ATP8A2: variants seen among roughly 807,000 people sequenced by gnomAD.
The protein encoded by ATP8A2 is ATPase phospholipid transporting 8A2, also known as phospholipid-transporting ATPase IB.
In ATP8A2, 100 loss-of-function variants were observed where a neutral mutation model predicts 165.6. That is an observed-to-expected ratio of 0.60 (90% CI 0.51 to 0.71). The LOEUF is 0.71. Among genes scored for constraint, ATP8A2 ranks in the 30% least tolerant of loss-of-function variants. The pLI is 0.00. For synonymous variants in ATP8A2, 543 were observed against 548.8 expected, an observed-to-expected ratio of 0.99 and a Z score of 0.15; for missense variants, 1,227 against 1,479.5, an observed-to-expected ratio of 0.83 and a Z score of 2.80.
At chr13:25,929,687 G>A (rs982823145) in intron 33 of ATP8A2, among the ~76,000 whole-genome samples, 1 of 151,956 alleles carries the variant, frequency 6.6e-6, no homozygotes, top group Non-Finnish European at 1.5e-5. Flanking sequence ...GTGAGACCTC[G>A]TCTCTACAAA....
At chr13:25,599,469 T>C (rs2040324606) in intron 24 of ATP8A2, among the ~76,000 whole-genome samples, 3 of 152,264 alleles carry the variant, frequency 2.0e-5, no homozygotes. Context: ...TTCATACACT[T>C]TCCCAGTTTT....
chr13:25,694,512 C>G (rs1398712900), intron 24 of ATP8A2, among the ~76,000 whole-genome samples: 1 of 152,184 alleles, frequency 6.6e-6, no homozygotes, highest in African/African-American at 2.4e-5. Flanking sequence ...ACCTGAATTT[C>G]CTGGTGAACA....
At chr13:25,713,372 C>T (rs539906559) in intron 25 of ATP8A2, among the ~76,000 whole-genome samples, 2 of 152,230 alleles carry the variant, frequency 1.3e-5, no homozygotes, top group Non-Finnish European at 2.9e-5. Context: ...TTCAAACTTG[C>T]TTTTATGTGT....
At chr13:25,505,248 GTCTC>G (rs137985732) in intron 2 of ATP8A2, among the ~76,000 whole-genome samples, 17 of 149,998 alleles carry the variant, frequency 1.1e-4, no homozygotes, top group Admixed American at 1.0e-3. Flanking sequence ...CTGTTAATCA[GTCTC>G]TCTCTCTCTC....
chr13:25,933,227 G>GCCA (rs1954810651), intron 33 of ATP8A2, among the ~76,000 whole-genome samples: 1 of 152,168 alleles, frequency 6.6e-6, no homozygotes, highest in African/African-American at 2.4e-5. Context: ...ACATGGCAGG[G>GCCA]CCAGCTCAGT....
intron 35 of ATP8A2, among the ~76,000 whole-genome samples, chr13:25,977,693 T>A (rs1956087341): frequency 6.6e-6 from 1 of 152,234 alleles, no homozygotes; most frequent in Admixed American, 6.5e-5. Context: ...AGAAAATTTT[T>A]AAATTAAATA....
At chr13:25,559,358 C>A (rs971544721) in intron 14 of ATP8A2, among the ~76,000 whole-genome samples, 2 of 152,080 alleles carry the variant, frequency 1.3e-5, no homozygotes, top group Non-Finnish European at 2.9e-5. Context: ...CATGATGAAA[C>A]CTTGTCACTA....
intron 24 of ATP8A2, among the ~76,000 whole-genome samples, chr13:25,612,807 T>C (rs1281179443): frequency 6.6e-6 from 1 of 152,184 alleles, no homozygotes; most frequent in Non-Finnish European, 1.5e-5. Context: ...TTTATAAATT[T>C]GGGAGCTCCA....
chr13:25,845,918 G>A (rs909991837), intron 30 of ATP8A2, among the ~76,000 whole-genome samples: 13 of 152,208 alleles, frequency 8.5e-5, no homozygotes, highest in African/African-American at 3.1e-4. Context: ...GCTCATGCCT[G>A]TAATCCCAGC....
chr13:25,514,892 T>C (rs2037415554), intron 2 of ATP8A2, among the ~76,000 whole-genome samples: 1 of 152,120 alleles, frequency 6.6e-6, no homozygotes, highest in Admixed American at 6.5e-5. Flanking sequence ...CTGCCTAATA[T>C]ATGATTGTGA....
At chr13:25,661,634 C>A (rs994300867) in intron 24 of ATP8A2, among the ~76,000 whole-genome samples, 1 of 152,156 alleles carries the variant, frequency 6.6e-6, no homozygotes, top group Non-Finnish European at 1.5e-5. Flanking sequence ...GAGAGACGGT[C>A]TTTCCTTGTA....
In ATP8A2 at chr13:25,413,282, T is replaced by G. The variant is rs1436385210; in HGVS notation, c.76+40994T>G. Reference sequence around the variant, plus strand: ...TTTTTCTTTTTCTTTTTCTTTGTTTTTTTTTTTTTTTTTTTTGAGATGGAG... The same window carrying G: ...TTTTTCTTTTTCTTTTTCTTTGTTTGTTTTTTTTTTTTTTTTGAGATGGAG... On this transcript the variant is annotated intron_variant, in intron 1 of 36. Coordinates refer to ENST00000381655, the MANE Select transcript of ATP8A2 (RefSeq NM_016529.6). Among the ~76,000 whole-genome samples the G allele has an allele frequency of 9.2e-5, 13 of 141,644 alleles. 1 individual carries two copies. Among genetic ancestry groups the G allele is most frequent in the African/African-American group, 3.0e-4 (11 of 37,016 alleles). 92.9% of individuals were successfully genotyped at this position (141,644 alleles called of 152,430 possible). A position where few individuals can be genotyped will look rare whatever the true frequency, so the allele number is the denominator to read the frequency against.
At chr13:25,821,785 C>T (rs1030146370) in intron 27 of ATP8A2, among the ~76,000 whole-genome samples, 4 of 152,054 alleles carry the variant, frequency 2.6e-5, no homozygotes, top group African/African-American at 9.7e-5. Context: ...CATCTTTGGC[C>T]CACTCAATGC....
chr13:25,601,855 GT>G (rs1295856145), intron 24 of ATP8A2, among the ~76,000 whole-genome samples: 4 of 152,182 alleles, frequency 2.6e-5, no homozygotes, highest in African/African-American at 9.7e-5. Context: ...AGCCTCTCCA[GT>G]AACAAAAGCT....
chr13:25,932,355 G>T (rs986236762), intron 33 of ATP8A2, among the ~76,000 whole-genome samples: 2 of 152,204 alleles, frequency 1.3e-5, no homozygotes, highest in East Asian at 1.9e-4. Flanking sequence ...CTGTTTTGTC[G>T]CAGCTTCCCG....
intron 35 of ATP8A2, among the ~76,000 whole-genome samples, chr13:25,979,642 T>G (rs1956137825): frequency 6.6e-6 from 1 of 152,216 alleles, no homozygotes; most frequent in African/African-American, 2.4e-5. Flanking sequence ...GCGAGTCATT[T>G]ATGTATCCAC....
chr13:25,682,284 TC>T (rs1040780217), intron 24 of ATP8A2, among the ~76,000 whole-genome samples: 4 of 151,788 alleles, frequency 2.6e-5, no homozygotes, highest in African/African-American at 9.7e-5. Flanking sequence ...GGATCGTGCC[TC>T]CCCCCTCCTC....
intron 25 of ATP8A2, among the ~76,000 whole-genome samples, chr13:25,758,142 G>A: frequency 6.6e-6 from 1 of 152,116 alleles, no homozygotes; most frequent in East Asian, 1.9e-4. Context: ...TCTGAACAGG[G>A]GATGTAATAA....
In ATP8A2 at chr13:25,883,735, A is replaced by G. The variant is rs554863624; in HGVS notation, c.3183+21327A>G. On this transcript the variant is annotated intron_variant, in intron 33 of 36. Coordinates refer to ENST00000381655, the MANE Select transcript of ATP8A2 (RefSeq NM_016529.6). ...TCACAGCCAGAGAAAGACCTCCCCT[A>G]TCAGCCACTGCAGGTAAAACCAGAG... is the stretch of plus-strand genomic sequence containing the variant. 1.2e-4 allele frequency among the ~76,000 whole-genome samples: 18 copies of G among 152,252 alleles called. No individual in the cohort carries two copies. In the South Asian group the frequency reaches 3.5e-3, roughly 30 times the overall value.
Sources: gnomAD v4.1 joint callset for allele counts (sites outside exome capture counted in the v4.1 genomes callset) on GRCh38, gnomAD v4.1.1 for gene constraint, MANE v1.5 for transcripts, NCBI Gene and HGNC (gene_info 2026-07-23, HGNC 2026-07-21) for gene names.